NXPE2: variants seen among roughly 807,000 people sequenced by gnomAD.
NXPE2 encodes the protein NXPE family member 2.
In NXPE2, 34 loss-of-function variants were observed where a neutral mutation model predicts 34.4. The observed-to-expected ratio is 0.99, with a 90% CI of 0.75 to 1.31. NXPE2 has a LOEUF of 1.31. Ranked by LOEUF, NXPE2 falls within the 40% of genes most tolerant of loss-of-function variation. The probability of loss-of-function intolerance (pLI) is 0.00; values close to 1 mark genes in which losing one functional copy is unlikely to be tolerated. For synonymous variants in NXPE2, 235 were observed against 231.3 expected, an observed-to-expected ratio of 1.02 and a Z score of -0.15; for missense variants, 649 against 672.5, an observed-to-expected ratio of 0.97 and a Z score of 0.39.
the NXPE2 span, among the ~76,000 whole-genome samples, chr11:114,759,849 A>G: frequency 1.3e-5 from 2 of 152,222 alleles, no homozygotes; most frequent in African/African-American, 4.8e-5. Flanking sequence ...CCAAAATCCT[A>G]GGAATCACTG....
chr11:114,565,429 C>T, the NXPE2 span, among the ~76,000 whole-genome samples: 4 of 152,168 alleles, frequency 2.6e-5, no homozygotes, highest in Non-Finnish European at 5.9e-5. Flanking sequence ...ATATGCTAGA[C>T]GTAGTTCCTG....
chr11:114,633,363 T>C, the NXPE2 span, among the ~76,000 whole-genome samples: 13 of 143,662 alleles, frequency 9.0e-5, no homozygotes, highest in African/African-American at 2.5e-4. Flanking sequence ...TTATATATAC[T>C]ATATAATATA....
the NXPE2 span, among the ~76,000 whole-genome samples, chr11:114,659,117 T>G: frequency 6.6e-6 from 1 of 152,226 alleles, no homozygotes; most frequent in South Asian, 2.1e-4. Context: ...TCAATGCTCC[T>G]CCCTACCTCA....
At chr11:114,582,047 A>T in the NXPE2 span, among the ~76,000 whole-genome samples, 1 of 152,080 alleles carries the variant, frequency 6.6e-6, no homozygotes, top group Admixed American at 6.6e-5. Context: ...TGCATTTCTC[A>T]TTTTCTTCTA....
chr11:114,636,560 G>T, the NXPE2 span, among the ~76,000 whole-genome samples: 1 of 151,618 alleles, frequency 6.6e-6, no homozygotes, highest in South Asian at 2.1e-4. Context: ...ATGTTAGGGT[G>T]TCAATTTTGG....
intron 2 of NXPE2, among the ~76,000 whole-genome samples, chr11:114,690,002 G>A (rs1807727932): frequency 6.6e-6 from 1 of 152,102 alleles, no homozygotes; most frequent in South Asian, 2.1e-4. Context: ...TGAATCTCCT[G>A]AAGACAGCAG....
the NXPE2 span, among the ~76,000 whole-genome samples, chr11:114,768,316 T>C: frequency 6.6e-6 from 1 of 152,226 alleles, no homozygotes; most frequent in Admixed American, 6.5e-5. Context: ...TACTGTGGCC[T>C]TGTAGTATAG....
chr11:114,518,321 C>CT, the NXPE2 span: 1 of 152,136 alleles, frequency 6.6e-6, no homozygotes, highest in Non-Finnish European at 1.5e-5. Flanking sequence ...GCTCTGTGCT[C>CT]TAAGTGTTAC....
At chr11:114,696,520 A>G (rs1951261320) in intron 2 of NXPE2, among the ~76,000 whole-genome samples, 1 of 152,094 alleles carries the variant, frequency 6.6e-6, no homozygotes, top group Non-Finnish European at 1.5e-5. Context: ...AGATTTCAGA[A>G]CCAGGAAAAT....
rs1429015032 is a variant in NXPE2 at position 114,693,834 on chromosome 11, T to C, written c.133-4211T>C. Among the ~76,000 whole-genome samples the C allele has an allele frequency of 2.6e-5, 4 of 152,256 alleles. No homozygotes were observed. In the East Asian group the frequency reaches 7.7e-4, roughly 29 times the overall value. On this transcript the variant is annotated intron_variant, in intron 2 of 5. Coordinates refer to ENST00000389586, the MANE Select transcript of NXPE2 (RefSeq NM_182495.6). ...ATCAAATACTTAAAAACAGCTATTA[T>C]AACTATATTGGTTTTCTATTGCTGC... is the stretch of plus-strand genomic sequence containing the variant.
At chr11:114,470,003 A>G in the NXPE2 span, among the ~76,000 whole-genome samples, 1 of 152,130 alleles carries the variant, frequency 6.6e-6, no homozygotes, top group Non-Finnish European at 1.5e-5. Flanking sequence ...TGTGATATCC[A>G]TGTTTTTGCA....
the NXPE2 span, among the ~76,000 whole-genome samples, chr11:114,532,578 A>G: frequency 4.6e-5 from 7 of 152,142 alleles, no homozygotes; most frequent in Non-Finnish European, 1.0e-4. Flanking sequence ...CTTATATAAC[A>G]AGGAAAAACA....
At chr11:114,640,255 AT>A in the NXPE2 span, among the ~76,000 whole-genome samples, 1 of 142,802 alleles carries the variant, frequency 7.0e-6, no homozygotes, top group African/African-American at 2.6e-5. Context: ...AAAATATAAA[AT>A]ATATAGTATA....
chr11:114,567,475 C>A, the NXPE2 span, among the ~76,000 whole-genome samples: 1 of 152,020 alleles, frequency 6.6e-6, no homozygotes, highest in African/African-American at 2.4e-5. Flanking sequence ...TAAGGCTGAA[C>A]GGCAGCCTTG....
At chr11:114,513,244 G>A in the NXPE2 span, 2 of 524,280 alleles carry the variant, frequency 3.8e-6, no homozygotes, top group Non-Finnish European at 7.6e-6. Flanking sequence ...GAGGGTTGAG[G>A]ATGGTGGCTG....
chr11:114,532,747 G>T, the NXPE2 span, among the ~76,000 whole-genome samples: 1 of 152,070 alleles, frequency 6.6e-6, no homozygotes, highest in South Asian at 2.1e-4. Context: ...ACATATAAAA[G>T]TATATAGGTA....
At chr11:114,493,518 A>G in the NXPE2 span, among the ~76,000 whole-genome samples, 2 of 152,174 alleles carry the variant, frequency 1.3e-5, no homozygotes, top group Non-Finnish European at 2.9e-5. Flanking sequence ...GAGGTTTTCA[A>G]ATAATATCTT....
the NXPE2 span, chr11:114,583,255 G>T: frequency 1.5e-6 from 1 of 666,006 alleles, no homozygotes; most frequent in South Asian, 1.7e-5. Flanking sequence ...TGAGCAAGAT[G>T]GCGCAAAGGC....
At chr11:114,696,754 G>T (rs1951266026) in intron 2 of NXPE2, among the ~76,000 whole-genome samples, 1 of 152,296 alleles carries the variant, frequency 6.6e-6, no homozygotes, top group Non-Finnish European at 1.5e-5. Context: ...AGTTTAGCAG[G>T]TTGAATGACG....
Sources: allele counts gnomAD v4.1 joint callset (sites outside exome capture counted in the v4.1 genomes callset), GRCh38; gene constraint gnomAD v4.1.1; transcripts MANE v1.5; gene names NCBI Gene and HGNC (gene_info 2026-07-23, HGNC 2026-07-21).